Variants in CDC42SE2 observed in about 807,000 individuals in gnomAD.
CDC42SE2 encodes CDC42 small effector protein 2.
In CDC42SE2, 3 loss-of-function variants were observed where a neutral mutation model predicts 11.5. The ratio of observed to expected loss-of-function variants is 0.26; its 90% CI spans 0.12 to 0.67. CDC42SE2 has a LOEUF of 0.67. Ranked by LOEUF, CDC42SE2 falls within the 30% of genes least tolerant of loss-of-function variation. The pLI is 0.80. For synonymous variants in CDC42SE2, 33 were observed against 34.8 expected, an observed-to-expected ratio of 0.95 and a Z score of 0.18; for missense variants, 82 against 106.8, an observed-to-expected ratio of 0.77 and a Z score of 1.02.
chr5:131,313,864 G>A (rs550483198), intron 1 of CDC42SE2, among the ~76,000 whole-genome samples: 1 of 152,084 alleles, frequency 6.6e-6, no homozygotes, highest in Non-Finnish European at 1.5e-5. Flanking sequence ...GTCTCACTCT[G>A]TCACCCTGGC....
intron 2 of CDC42SE2, among the ~76,000 whole-genome samples, chr5:131,333,730 T>C (rs986988435): frequency 3.3e-5 from 5 of 152,136 alleles, no homozygotes; most frequent in African/African-American, 1.2e-4. Flanking sequence ...TTTGAAGCAA[T>C]TGTGAATGGG....
intron 1 of CDC42SE2, among the ~76,000 whole-genome samples, chr5:131,307,200 G>C (rs1181867260): frequency 1.4e-5 from 2 of 147,790 alleles, no homozygotes; most frequent in Non-Finnish European, 3.0e-5. Context: ...ATATCTTCCA[G>C]TGCTATCCCT....
chr5:131,343,647 A>G (rs1758765060), intron 2 of CDC42SE2, among the ~76,000 whole-genome samples: 1 of 150,948 alleles, frequency 6.6e-6, no homozygotes, highest in Admixed American at 6.6e-5. Context: ...CAGGAGGCGG[A>G]GGTTGTGGTG....
chr5:131,388,703 A>G (rs1354899528), intron 4 of CDC42SE2, among the ~76,000 whole-genome samples: 1 of 152,254 alleles, frequency 6.6e-6, no homozygotes, highest in Non-Finnish European at 1.5e-5. Context: ...ATTACTTATT[A>G]AAGTTACTTA....
chr5:131,215,886 T>A, the CDC42SE2 span, among the ~76,000 whole-genome samples: 1 of 152,256 alleles, frequency 6.6e-6, no homozygotes, highest in Admixed American at 6.5e-5. Flanking sequence ...TGCTTTAAAC[T>A]GTCTTTTAAA....
intron 2 of CDC42SE2, among the ~76,000 whole-genome samples, chr5:131,334,360 G>T (rs1348277267): frequency 6.6e-6 from 1 of 152,168 alleles, no homozygotes; most frequent in African/African-American, 2.4e-5. Context: ...GCTGGATTTG[G>T]TTTGCCAGTA....
chr5:131,333,476 G>T (rs2940608), intron 2 of CDC42SE2, among the ~76,000 whole-genome samples: 64,574 of 151,908 alleles, frequency 0.43, 17,457 homozygotes, highest in African/African-American at 0.77. Context: ...ATATGAACTT[G>T]AAAGTAGTTT....
rs1554093503 is a variant in CDC42SE2 at position 131,252,108 on chromosome 5, G to GGAAGGAAGGAAT, written n.108-2984_108-2983insGGAAGGAATGAA. Among the ~76,000 whole-genome samples, 16 of 150,178 alleles carry GGAAGGAAGGAAT rather than the reference G, an allele frequency of 1.1e-4. No individual in the cohort carries two copies. In the South Asian group the frequency reaches 2.9e-3, roughly 27 times the overall value. ...AGGAAGGAAGGAAGGAAGGAAGGAA[G>GGAAGGAAGGAAT]GAATCATGTAGGTACTATAATTTCA... On this transcript the variant is annotated intron_variant and non_coding_transcript_variant, in intron 1 of 3. Coordinates refer to the CDC42SE2 transcript ENST00000502840.
intron 2 of CDC42SE2, among the ~76,000 whole-genome samples, chr5:131,353,731 C>A (rs1749445715): frequency 6.6e-6 from 1 of 151,852 alleles, no homozygotes; most frequent in South Asian, 2.1e-4. Context: ...CATGGTGAAA[C>A]CCCATCTCTA....
chr5:131,372,920 G>T (rs1416857702), intron 3 of CDC42SE2, among the ~76,000 whole-genome samples: 1 of 152,156 alleles, frequency 6.6e-6, no homozygotes, highest in Non-Finnish European at 1.5e-5. Flanking sequence ...ATAAGTGAAT[G>T]CTCTTATTAT....
At chr5:131,234,580 G>A in the CDC42SE2 span, among the ~76,000 whole-genome samples, 50 of 151,262 alleles carry the variant, frequency 3.3e-4, no homozygotes, top group Middle Eastern at 3.4e-3. Flanking sequence ...AGGTTGCAGT[G>A]TGCCAAGATC....
chr5:131,363,427 A>G (rs1216132154), intron 3 of CDC42SE2, among the ~76,000 whole-genome samples: 2 of 152,044 alleles, frequency 1.3e-5, no homozygotes, highest in African/African-American at 2.4e-5. Flanking sequence ...CCTAGGCTGG[A>G]GTGCAATGGT....
chr5:131,311,837 C>G (rs551277925), intron 1 of CDC42SE2, among the ~76,000 whole-genome samples: 1 of 152,120 alleles, frequency 6.6e-6, no homozygotes, highest in Admixed American at 6.6e-5. Context: ...TCTAGTTATA[C>G]ATTCTTCTAA....
intron 1 of CDC42SE2, among the ~76,000 whole-genome samples, chr5:131,308,110 T>C (rs567269484): frequency 7.9e-5 from 12 of 152,302 alleles, no homozygotes; most frequent in African/African-American, 2.6e-4. Flanking sequence ...CCATCTTGAA[T>C]TGATTTTTGT....
intron 3 of CDC42SE2, among the ~76,000 whole-genome samples, chr5:131,363,820 C>G (rs554236415): frequency 1.3e-5 from 2 of 151,744 alleles, no homozygotes; most frequent in African/African-American, 2.4e-5. Flanking sequence ...CTCAGCCTCC[C>G]GAGTAGCTGG....
the CDC42SE2 span, among the ~76,000 whole-genome samples, chr5:131,214,688 G>A: frequency 6.6e-6 from 1 of 152,124 alleles, no homozygotes; most frequent in Non-Finnish European, 1.5e-5. Flanking sequence ...TGGGGGCCTG[G>A]AGCTGAAATA....
chr5:131,227,056 G>A, the CDC42SE2 span, among the ~76,000 whole-genome samples: 1 of 152,156 alleles, frequency 6.6e-6, no homozygotes, highest in African/African-American at 2.4e-5. Context: ...TTCAGCAGCT[G>A]GCCAGTCCAG....
intron 3 of CDC42SE2, among the ~76,000 whole-genome samples, chr5:131,377,151 CTAT>C (rs1167927548): frequency 1.3e-5 from 2 of 151,218 alleles, no homozygotes; most frequent in African/African-American, 2.4e-5. Context: ...TCACCAGCAT[CTAT>C]TATTATTTGA....
At chr5:131,388,338 G>A (rs1416280805) in intron 4 of CDC42SE2, among the ~76,000 whole-genome samples, 1 of 152,110 alleles carries the variant, frequency 6.6e-6, no homozygotes, top group East Asian at 1.9e-4. Context: ...CTGATTTGAT[G>A]AGCCTGACTC....
Sources: allele counts gnomAD v4.1 joint callset (sites outside exome capture counted in the v4.1 genomes callset), GRCh38; gene constraint gnomAD v4.1.1; transcripts MANE v1.5; gene names NCBI Gene and HGNC (gene_info 2026-07-23, HGNC 2026-07-21).